IL21R: variants seen among roughly 807,000 people sequenced by gnomAD.
IL21R encodes the protein interleukin-21 receptor.
In IL21R, 14 loss-of-function variants were observed where a neutral mutation model predicts 41.3. The ratio of observed to expected loss-of-function variants is 0.34; its 90% confidence interval spans 0.22 to 0.53. The LOEUF (loss-of-function observed/expected upper bound fraction) is 0.53, where lower values mean the gene tolerates loss of function less well. IL21R is among the 20% of genes least tolerant of loss of function. IL21R has a pLI of 0.94. For missense variants in IL21R, 588 were observed against 681.6 expected (o/e 0.86, Z 1.53); for synonymous variants, 286 against 287.6 (o/e 0.99, Z 0.05).
intron 5 of IL21R, among the ~76,000 whole-genome samples, chr16:27,443,710 G>A (rs1241333262): frequency 6.7e-6 from 1 of 149,150 alleles, no homozygotes; most frequent in African/African-American, 2.5e-5. Context: ...TTGAATCCAG[G>A]AGGCGGAGGT....
At chr16:27,437,281 C>T (rs544434581) in intron 3 of IL21R, among the ~76,000 whole-genome samples, 1 of 152,230 alleles carries the variant, frequency 6.6e-6, no homozygotes, top group East Asian at 1.9e-4. Context: ...AAGCTGAGCC[C>T]GGACACAATT....
At chr16:27,413,934 T>C (rs147720627) in intron 1 of IL21R, among the ~76,000 whole-genome samples, 2,049 of 152,094 alleles carry the variant, frequency 0.013, 39 homozygotes, top group African/African-American at 0.046. Flanking sequence ...TGAATAATAA[T>C]AACAATTATT....
At chr16:27,403,165 G>A (rs1266500016) in intron 1 of IL21R, 1 of 1,284,656 alleles carries the variant, frequency 7.8e-7, no homozygotes, top group Admixed American at 2.2e-5. Context: ...CAAGCCAGGT[G>A]ACCCCATGAG....
chr16:27,412,825 G>A (rs2086842148), intron 1 of IL21R, among the ~76,000 whole-genome samples: 1 of 152,074 alleles, frequency 6.6e-6, no homozygotes, highest in Admixed American at 6.5e-5. Context: ...TGTTGACTTT[G>A]TATCCTGCAA....
intron 4 of IL21R, among the ~76,000 whole-genome samples, chr16:27,442,394 C>T (rs577676039): frequency 3.9e-5 from 6 of 152,258 alleles, no homozygotes; most frequent in Non-Finnish European, 5.9e-5. Context: ...GATGGAGTCT[C>T]GCTCTGTCGC....
chr16:27,434,259 C>T (rs931021438), intron 2 of IL21R, 88 bp from the exon 3 acceptor site: 7 of 858,854 alleles, frequency 8.2e-6, no homozygotes, highest in Non-Finnish European at 1.4e-5. Flanking sequence ...TGCACCCATT[C>T]TTCCTCCAGC....
chr16:27,410,086 A>C (rs902172153), intron 1 of IL21R, among the ~76,000 whole-genome samples: 1 of 152,170 alleles, frequency 6.6e-6, no homozygotes, highest in African/African-American at 2.4e-5. Context: ...CTGTAATCCC[A>C]GCACTTTGGG....
At chr16:27,417,163 C>CTTTTTTTTTTTTT (rs577149386) in intron 1 of IL21R, among the ~76,000 whole-genome samples, 10 of 126,598 alleles carry the variant, frequency 7.9e-5, no homozygotes, top group Non-Finnish European at 1.1e-4. Flanking sequence ...TTTTTCTTTT[C>CTTTTTTTTTTTTT]TTTTTTTTTT....
At chr16:27,413,372 GA>G (rs531399785) in intron 1 of IL21R, among the ~76,000 whole-genome samples, 1 of 152,036 alleles carries the variant, frequency 6.6e-6, no homozygotes, top group Non-Finnish European at 1.5e-5. Context: ...GCATTTTGTT[GA>G]GGATTTTTGC....
At chr16:27,426,334 G>A (rs1216862661) in intron 1 of IL21R, among the ~76,000 whole-genome samples, 1 of 152,202 alleles carries the variant, frequency 6.6e-6, no homozygotes, top group East Asian at 1.9e-4. Flanking sequence ...ATGTTTATTG[G>A]AGTAAAAAAT....
chr16:27,448,699 G>A lies in IL21R; in HGVS notation c.1033G>A (p.Gly345Ser), dbSNP rs56148525. 3.9e-3 allele frequency: 6,251 copies of A among 1,613,242 alleles called. 9 individuals carry two copies. Among genetic ancestry groups the A allele is most frequent in the Non-Finnish European group, 4.8e-3 (5,651 of 1,180,002 alleles). Residue 345 changes from glycine (G) to serine (S), a missense_variant, in exon 9 of 9, where the codon GGT becomes AGT. Gly to Ser is a moderately conservative substitution (Grantham distance 56). Coordinates refer to ENST00000337929, the MANE Select transcript of IL21R (RefSeq NM_181078.3). Reference protein sequence around the residue: ...QEPAELVESDGVPKPSFWPTA... With the variant: ...QEPAELVESDSVPKPSFWPTA... ...ACCAGCAGAGCTGGTGGAGTCTGAC[G>A]GTGTGCCCAAGCCCAGCTTCTGGCC...
chr16:27,433,114 A>T (rs1486190113), intron 2 of IL21R, among the ~76,000 whole-genome samples: 1 of 152,202 alleles, frequency 6.6e-6, no homozygotes, highest in Non-Finnish European at 1.5e-5. Context: ...CCACCACCTC[A>T]GGGGTCTTCA....
chr16:27,440,248 T>TATATAGAGAGAGAGAGAG (rs1352160946), intron 4 of IL21R, among the ~76,000 whole-genome samples: 38 of 64,028 alleles, frequency 5.9e-4, no homozygotes, highest in South Asian at 1.5e-3. Context: ...TATATATATA[T>TATATAGAGAGAGAGAGAG]AGAGAGAGAG....
rs2087553395 is a variant in IL21R at position 27,449,498 on chromosome 16, T to A, written c.*215T>A. ...TGTGTCTTAGGTGCGCAGTGGCATG[T>A]CCACGTGTGTGTGTGATTGCACGTG... On this transcript the variant is annotated 3_prime_UTR_variant, in exon 9 of 9. Coordinates refer to ENST00000337929, the MANE Select transcript of IL21R (RefSeq NM_181078.3). 2 of 587,874 alleles carry A rather than the reference T, an allele frequency of 3.4e-6. No individual in the cohort carries two copies. Among genetic ancestry groups the A allele is most frequent in the Admixed American group, 3.2e-5 (1 of 30,852 alleles). 36.4% of individuals were successfully genotyped at this position (587,874 alleles called of 1,614,324 possible).
intron 2 of IL21R, among the ~76,000 whole-genome samples, chr16:27,431,456 G>T (rs1462212284): frequency 6.6e-6 from 1 of 152,172 alleles, no homozygotes; most frequent in South Asian, 2.1e-4. Flanking sequence ...CAGGTGCATG[G>T]CCACACTACC....
intron 1 of IL21R, among the ~76,000 whole-genome samples, chr16:27,421,166 A>G (rs980433910): frequency 1.3e-5 from 2 of 152,136 alleles, no homozygotes; most frequent in Middle Eastern, 3.2e-3. Flanking sequence ...CCATTGATCT[A>G]TATGTACATC....
At position 27,437,515 on chromosome 16, in the gene IL21R, C is replaced by T. The variant is rs370550834; in HGVS notation, c.180C>T (p.Asp60=). The change falls in exon 4 of 9, where the codon GAC becomes GAT. Residue 60 remains aspartate (D), a synonymous_variant. Coordinates refer to ENST00000337929, the MANE Select transcript of IL21R (RefSeq NM_181078.3). ...TWQDQYEELK[D]EATSCSLHRS... ...AAGACCAGTATGAAGAGCTGAAGGACGAGGCCACCTCCTGCAGCCTCCACA... is the reference window on the plus strand; with the variant it reads ...AAGACCAGTATGAAGAGCTGAAGGATGAGGCCACCTCCTGCAGCCTCCACA... The T allele has an allele frequency of 2.2e-5, 35 of 1,613,958 alleles. No homozygotes were observed. Among genetic ancestry groups the T allele is most frequent in the African/African-American group, 1.7e-4 (13 of 75,034 alleles).
chr16:27,433,288 G>A (rs953754602), intron 2 of IL21R, among the ~76,000 whole-genome samples: 1 of 152,114 alleles, frequency 6.6e-6, no homozygotes, highest in African/African-American at 2.4e-5. Context: ...GCAACATGGT[G>A]AAACCCTGTC....
intron 1 of IL21R, among the ~76,000 whole-genome samples, chr16:27,421,144 C>G (rs1032017457): frequency 2.6e-5 from 4 of 152,036 alleles, no homozygotes; most frequent in African/African-American, 9.7e-5. Context: ...TTTCTGAACT[C>G]TCAGTTCAAT....
Sources: gnomAD v4.1 joint callset for allele counts (sites outside exome capture counted in the v4.1 genomes callset) on GRCh38, gnomAD v4.1.1 for gene constraint, MANE v1.5 for transcripts, NCBI Gene and HGNC (gene_info 2026-07-23, HGNC 2026-07-21) for gene names.